SP100: variants seen among roughly 807,000 people sequenced by gnomAD.
SP100 encodes SP100 nuclear body protein, also known as nuclear autoantigen Sp-100.
SP100 carries 84 observed loss-of-function variants against 130.0 expected under a neutral mutation model. The observed-to-expected ratio is 0.65, with a 90% CI of 0.54 to 0.77. SP100 has a LOEUF of 0.77. Among genes scored for constraint, SP100 ranks in the 30% least tolerant of loss-of-function variants. The pLI is 0.00. For synonymous variants in SP100, 331 were observed against 351.7 expected, an observed-to-expected ratio of 0.94 and a Z score of 0.66; for missense variants, 978 against 1,052.2, an observed-to-expected ratio of 0.93 and a Z score of 0.97.
intron 12 of SP100, 115 bp downstream of exon 12, chr2:230,466,469 T>C (rs2064965504): frequency 3.1e-6 from 2 of 642,300 alleles, no homozygotes; most frequent in Non-Finnish European, 2.8e-6. Context: ...TCCTTCAAAG[T>C]AAAATATAAA....
At chr2:230,506,571 T>C (rs2150072942) in intron 22 of SP100, 126 bp downstream of exon 22, 1 of 894,364 alleles carries the variant, frequency 1.1e-6, no homozygotes, top group Admixed American at 2.5e-5. Context: ...TCTCCATGCA[T>C]ATGTTATTAC....
At chr2:230,538,089 A>G (rs1456139433) in intron 24 of SP100, 2 of 152,222 alleles carry the variant, frequency 1.3e-5, no homozygotes, top group East Asian at 3.8e-4. Context: ...ACTGATGCCT[A>G]TACACCAACC....
intron 24 of SP100, among the ~76,000 whole-genome samples, chr2:230,511,730 G>A (rs765132767): frequency 7.2e-5 from 11 of 152,150 alleles, no homozygotes; most frequent in Non-Finnish European, 1.3e-4. Context: ...GGCTCAGTAT[G>A]CTGAGCTGGT....
chr2:230,530,831 CT>C (rs1184928271), intron 24 of SP100, among the ~76,000 whole-genome samples: 5 of 152,198 alleles, frequency 3.3e-5, no homozygotes, highest in Non-Finnish European at 5.9e-5. Flanking sequence ...CTCATCATCT[CT>C]GGTCATCAGA....
intron 24 of SP100, among the ~76,000 whole-genome samples, chr2:230,512,031 A>T (rs1690623587): frequency 6.6e-6 from 1 of 151,726 alleles, no homozygotes. Context: ...CACATCAGCT[A>T]ATTTTTTTAA....
At chr2:230,455,527 G>A (rs62193412) in intron 8 of SP100, among the ~76,000 whole-genome samples, 16,330 of 152,156 alleles carry the variant, frequency 0.11, 947 homozygotes, top group African/African-American at 0.14. Flanking sequence ...TGAAGTGAGT[G>A]TCTTGCAAGC....
intron 25 of SP100, among the ~76,000 whole-genome samples, chr2:230,539,646 G>A (rs980270806): frequency 1.3e-5 from 2 of 152,122 alleles, no homozygotes; most frequent in Non-Finnish European, 2.9e-5. Context: ...TCCCCTACTT[G>A]GCTCCCAGAC....
intron 18 of SP100, among the ~76,000 whole-genome samples, chr2:230,497,115 C>T (rs2066714764): frequency 6.6e-6 from 1 of 152,104 alleles, no homozygotes; most frequent in Non-Finnish European, 1.5e-5. Flanking sequence ...TTGAGCAAGA[C>T]AATTTGCAAA....
chr2:230,541,164 G>T, intron 26 of SP100, 137 bp from the exon 27 acceptor site: 1 of 1,226,492 alleles, frequency 8.2e-7, no homozygotes, highest in Non-Finnish European at 1.1e-6. Flanking sequence ...GAAAAATCCC[G>T]GTCCAAAGAA....
At chr2:230,472,032 C>T (rs917857691) in intron 15 of SP100, among the ~76,000 whole-genome samples, 2 of 152,106 alleles carry the variant, frequency 1.3e-5, no homozygotes, top group African/African-American at 4.8e-5. Flanking sequence ...AGTGTCCTAA[C>T]AGCAGGCATT....
intron 2 of SP100, among the ~76,000 whole-genome samples, chr2:230,437,929 T>C (rs957956691): frequency 3.2e-4 from 48 of 152,224 alleles, no homozygotes; most frequent in African/African-American, 1.1e-3. Context: ...GTATACTTTG[T>C]CCATTTTTGT....
At chr2:230,529,491 T>C (rs988703543) in intron 24 of SP100, among the ~76,000 whole-genome samples, 6 of 152,178 alleles carry the variant, frequency 3.9e-5, no homozygotes, top group African/African-American at 1.2e-4. Flanking sequence ...GGGCAAAAAC[T>C]GGAAGCATTC....
chr2:230,427,201 A>G (rs2062958677), intron 2 of SP100, among the ~76,000 whole-genome samples: 1 of 151,604 alleles, frequency 6.6e-6, no homozygotes, highest in Non-Finnish European at 1.5e-5. Flanking sequence ...TCACTCTGTC[A>G]CCCAGGTTGG....
At position 230,539,282 on chromosome 2, in the gene SP100, A is replaced by G. The variant is rs747831541; in HGVS notation, c.2110A>G (p.Ile704Val). The G allele has an allele frequency of 1.1e-5, 18 of 1,613,458 alleles. No individual in the cohort carries two copies. In the East Asian group the frequency reaches 4.0e-4, roughly 36 times the overall value. ...CCCCTTCTAGCCGGAAAACTCAAAT[A>G]TATGTGAGGTGTGCAACAAATGGGG... ...LVDPCPENSN[I>V]CEVCNKWGRL... Residue 704 changes from isoleucine to valine, a missense_variant, in exon 25 of 29, where the codon ATA becomes GTA. Physicochemically the swap from Ile to Val is conservative, Grantham distance 29. Coordinates refer to ENST00000340126, the MANE Select transcript of SP100 (RefSeq NM_001080391.2).
chr2:230,540,990 G>A lies in SP100; in HGVS notation c.2325G>A (p.Glu775=), dbSNP rs1216926668. The A allele has an allele frequency of 6.2e-7, 1 of 1,610,874 alleles. No homozygotes were observed. Residue 775 remains glutamate, a synonymous_variant, in exon 26 of 29, where the codon GAG becomes GAA. Coordinates refer to ENST00000340126, the MANE Select transcript of SP100 (RefSeq NM_001080391.2). ...EVLMRQMLPE[E]QLKCEFLLLK... ...TGATGAGGCAGATGCTGCCTGAGGA[G>A]CAGTTGGTGAGTAAAAATGTGAACC... is the stretch of plus-strand genomic sequence containing the variant.
rs533932482 is a variant in SP100, at chr2:230,515,047, C to A, written c.2094+3881C>A. 1.3e-5 allele frequency: 21 copies of A among 1,605,124 alleles called. No homozygotes were observed. The African/African-American group carries it at 1.6e-4, about 12-fold the overall frequency. On this transcript the variant is annotated intron_variant, in intron 24 of 28. Transcript: ENST00000340126. ...CATGGACAAAGCAGATCCTAAGAAG[C>A]TGAGAGGTGAAATGTTATCATATGC... is the stretch of plus-strand genomic sequence containing the variant.
At chr2:230,445,631 A>T (rs2063677702) in intron 4 of SP100, among the ~76,000 whole-genome samples, 2 of 152,198 alleles carry the variant, frequency 1.3e-5, no homozygotes, top group Admixed American at 1.3e-4. Flanking sequence ...TATAGCAAAA[A>T]TTCAAGTCAG....
At chr2:230,498,815 T>TA (rs2066845097) in intron 19 of SP100, among the ~76,000 whole-genome samples, 1 of 152,112 alleles carries the variant, frequency 6.6e-6, no homozygotes, top group African/African-American at 2.4e-5. Context: ...GTTGCTGGCA[T>TA]AAAAACAAAA....
intron 2 of SP100, among the ~76,000 whole-genome samples, chr2:230,429,629 G>C (rs2063040924): frequency 6.6e-6 from 1 of 151,598 alleles, no homozygotes; most frequent in Middle Eastern, 3.4e-3. Flanking sequence ...AATCCCATAG[G>C]CTTTTTTTAA....
Sources: allele counts gnomAD v4.1 joint callset (sites outside exome capture counted in the v4.1 genomes callset), GRCh38; gene constraint gnomAD v4.1.1; transcripts MANE v1.5; gene names NCBI Gene and HGNC (gene_info 2026-07-23, HGNC 2026-07-21).